The following SNTB1 variants were observed in gnomAD, a reference collection of about 807,000 sequenced individuals.
SNTB1 encodes the protein beta-1-syntrophin.
Under a neutral mutation model 48.9 loss-of-function variants are expected in SNTB1, and 36 were observed. That is an observed-to-expected ratio of 0.74 (90% CI 0.56 to 0.97). The LOEUF (loss-of-function observed/expected upper bound fraction) is 0.97. SNTB1 is among the 50% of genes least tolerant of loss of function. SNTB1 has a pLI of 0.00. For missense variants in SNTB1, 786 were observed against 703.4 expected (o/e 1.12, Z -1.33); for synonymous variants, 299 against 294.6 (o/e 1.01, Z -0.15).
At chr8:120,789,433 T>C in intron 1 of SNTB1, among the ~76,000 whole-genome samples, 1 of 150,960 alleles carries the variant, frequency 6.6e-6, no homozygotes, top group African/African-American at 2.4e-5. Flanking sequence ...AGAAAAAAAA[T>C]CAATGAAACA....
At chr8:120,691,596 A>G (rs937183926) in intron 2 of SNTB1, among the ~76,000 whole-genome samples, 4 of 152,206 alleles carry the variant, frequency 2.6e-5, no homozygotes, top group Non-Finnish European at 5.9e-5. Flanking sequence ...GCTCTGGTAT[A>G]TAACTGCCCT....
intron 3 of SNTB1, among the ~76,000 whole-genome samples, chr8:120,587,126 C>T (rs1816156800): frequency 1.3e-5 from 2 of 152,132 alleles, no homozygotes; most frequent in Admixed American, 1.3e-4. Flanking sequence ...GAGGTTGAGG[C>T]AGGAGAATCG....
intron 6 of SNTB1, among the ~76,000 whole-genome samples, chr8:120,540,614 C>T (rs528331670): frequency 6.6e-6 from 1 of 152,156 alleles, no homozygotes; most frequent in Non-Finnish European, 1.5e-5. Flanking sequence ...ACTTTCGAGT[C>T]ACTACTTTAT....
chr8:120,636,222 TTTC>T (rs548932182), intron 2 of SNTB1, among the ~76,000 whole-genome samples: 54 of 152,192 alleles, frequency 3.5e-4, no homozygotes, highest in African/African-American at 1.2e-3. Flanking sequence ...CAGCTTCCTC[TTTC>T]TTCTTCTTCT....
intron 1 of SNTB1, among the ~76,000 whole-genome samples, chr8:120,783,035 T>C (rs915620021): frequency 3.9e-5 from 6 of 152,206 alleles, no homozygotes; most frequent in Admixed American, 3.3e-4. Flanking sequence ...GTCTATAATA[T>C]GCAATTGTAT....
intron 3 of SNTB1, among the ~76,000 whole-genome samples, chr8:120,581,431 T>A (rs181304614): frequency 7.9e-5 from 12 of 152,010 alleles, no homozygotes; most frequent in Admixed American, 6.6e-4. Context: ...TGGTGAAAAC[T>A]CGTCTCTACT....
intron 5 of SNTB1, among the ~76,000 whole-genome samples, chr8:120,546,871 T>C (rs1393797333): frequency 6.6e-6 from 1 of 152,234 alleles, no homozygotes; most frequent in African/African-American, 2.4e-5. Flanking sequence ...TCTCTCTGTA[T>C]GTTTTGGAGA....
chr8:120,811,703 A>T lies in SNTB1; in HGVS notation c.141T>A (p.Val47=). ...CCGCAGCGCCCTCCTCGCTGCTCAGAACCAGGGCGTCCTCGCTCAAGTTCA... is the reference window on the plus strand; with the variant it reads ...CCGCAGCGCCCTCCTCGCTGCTCAGTACCAGGGCGTCCTCGCTCAAGTTCA... The part of the protein sequence containing the change: ...VLVNLSEDAL[V]LSSEEGAAAY... Residue 47 remains valine (V), a synonymous_variant, in exon 1 of 7, where the codon GTT becomes GTA. Transcript: ENST00000517992. 1 of 1,580,346 alleles carries T rather than the reference A, an allele frequency of 6.3e-7. No homozygotes were observed. The highest frequency in any genetic ancestry group is 1.1e-5 in the South Asian group (1 of 87,558).
At chr8:120,677,568 T>G (rs1204980699) in intron 2 of SNTB1, among the ~76,000 whole-genome samples, 1 of 152,188 alleles carries the variant, frequency 6.6e-6, no homozygotes, top group Non-Finnish European at 1.5e-5. Flanking sequence ...TAACACATCT[T>G]CATGATACTG....
intron 3 of SNTB1, among the ~76,000 whole-genome samples, chr8:120,627,533 G>A (rs2130748448): frequency 6.6e-6 from 1 of 152,292 alleles, no homozygotes; most frequent in Admixed American, 6.5e-5. Flanking sequence ...GGAAGAGAAG[G>A]ACAGAAAGGA....
intron 1 of SNTB1, among the ~76,000 whole-genome samples, chr8:120,711,281 T>C (rs1026368087): frequency 1.3e-5 from 2 of 152,124 alleles, no homozygotes; most frequent in African/African-American, 4.8e-5. Context: ...ACTTGAAGTA[T>C]TTCAATGTAA....
chr8:120,557,455 C>T (rs1276394313), intron 4 of SNTB1, among the ~76,000 whole-genome samples: 1 of 152,162 alleles, frequency 6.6e-6, no homozygotes, highest in Non-Finnish European at 1.5e-5. Context: ...TTCTTGGGTG[C>T]TTACTCTGTA....
At chr8:120,692,848 A>T (rs755339688) in intron 2 of SNTB1, among the ~76,000 whole-genome samples, 2 of 152,208 alleles carry the variant, frequency 1.3e-5, no homozygotes, top group Admixed American at 6.5e-5. Flanking sequence ...GCTTATATTC[A>T]TGGAAGGTTT....
intron 4 of SNTB1, among the ~76,000 whole-genome samples, chr8:120,565,786 C>T (rs1021644688): frequency 3.9e-5 from 6 of 152,154 alleles, no homozygotes; most frequent in African/African-American, 9.7e-5. Flanking sequence ...GTGGTTTGAA[C>T]GTCTGTGTCC....
intron 1 of SNTB1, among the ~76,000 whole-genome samples, chr8:120,806,197 A>T (rs1228219627): frequency 6.6e-6 from 1 of 152,214 alleles, no homozygotes; most frequent in Non-Finnish European, 1.5e-5. Flanking sequence ...AAATTTATGA[A>T]GGCTTTTTAG....
chr8:120,640,343 A>C lies in SNTB1; in HGVS notation c.789-7692T>G, dbSNP rs200239966. ...CTGCAAACAGGGACAATTTGACTTC[A>C]TCATTTCCTAATTGAATACCCTTTA... On this transcript the variant is annotated intron_variant, in intron 2 of 6. Transcript: ENST00000517992. 6.1e-4 allele frequency among the ~76,000 whole-genome samples: 93 copies of C among 152,214 alleles called. 1 individual carries two copies. Among genetic ancestry groups the C allele is most frequent in the African/African-American group, 2.0e-3 (85 of 41,548 alleles).
chr8:120,598,902 G>A lies in SNTB1; in HGVS notation c.997-23677C>T, dbSNP rs1022535624. On this transcript the variant is annotated intron_variant, in intron 3 of 6. Coordinates refer to ENST00000517992, the MANE Select transcript of SNTB1 (RefSeq NM_021021.4). ...TCGCACGGCTCCTCCTCTGTGTGAA[G>A]TCTCCCTTGGCCTCCCTCTTATAAA... 3.3e-5 allele frequency among the ~76,000 whole-genome samples: 5 copies of A among 152,150 alleles called. No individual in the cohort carries two copies. The South Asian group carries it at 1.0e-3, about 32-fold the overall frequency.
chr8:120,569,890 T>A (rs1355247797), intron 4 of SNTB1, among the ~76,000 whole-genome samples: 1 of 152,224 alleles, frequency 6.6e-6, no homozygotes, highest in Admixed American at 6.5e-5. Context: ...AGTCTAGCTC[T>A]CAAGACCCCT....
At chr8:120,694,028 T>G in intron 1 of SNTB1, 120 bp from the exon 2 acceptor site, 1 of 759,246 alleles carries the variant, frequency 1.3e-6, no homozygotes, top group Non-Finnish European at 2.2e-6. Flanking sequence ...CTTCTTAAAT[T>G]CTCAACGAGA....
Sources: allele counts gnomAD v4.1 joint callset (sites outside exome capture counted in the v4.1 genomes callset), GRCh38; gene constraint gnomAD v4.1.1; transcripts MANE v1.5; gene names NCBI Gene and HGNC (gene_info 2026-07-23, HGNC 2026-07-21).